ANK1: variants seen among roughly 807,000 people sequenced by gnomAD.
ANK1 encodes the protein ankyrin-1.
A neutral mutation model predicts 210.4 loss-of-function variants in ANK1; 51 were observed. The observed-to-expected ratio is 0.24, with a 90% confidence interval of 0.19 to 0.31. The LOEUF (loss-of-function observed/expected upper bound fraction) is 0.31, where lower values mean the gene tolerates loss of function less well. ANK1 is among the 10% of genes least tolerant of loss of function. The probability of loss-of-function intolerance (pLI) is 1.00; values close to 1 mark genes in which losing one functional copy is unlikely to be tolerated. For synonymous variants in ANK1, 967 were observed against 1,025.9 expected, an observed-to-expected ratio of 0.94 and a Z score of 1.10; for missense variants, 2,051 against 2,504.4, an observed-to-expected ratio of 0.82 and a Z score of 3.86.
At chr8:41,689,008 G>A (rs1351645615) in intron 33 of ANK1, among the ~76,000 whole-genome samples, 2 of 152,118 alleles carry the variant, frequency 1.3e-5, no homozygotes, top group African/African-American at 4.8e-5. Context: ...TTTTCTTTTT[G>A]GATTTCTTTC....
At chr8:41,791,405 G>T (rs1250852819) in intron 1 of ANK1, among the ~76,000 whole-genome samples, 2 of 150,450 alleles carry the variant, frequency 1.3e-5, no homozygotes, top group African/African-American at 4.9e-5. Flanking sequence ...CTAACCTCAG[G>T]TGATCCATTG....
chr8:41,848,187 A>AAAATAAAC (rs1554650903), intron 1 of ANK1, among the ~76,000 whole-genome samples: 5 of 142,872 alleles, frequency 3.5e-5, no homozygotes, highest in Non-Finnish European at 7.6e-5. Flanking sequence ...CTCAATTTCA[A>AAAATAAAC]AAATAAATAA....
intron 1 of ANK1, among the ~76,000 whole-genome samples, chr8:41,807,318 C>A (rs1851109911): frequency 1.3e-5 from 2 of 152,198 alleles, no homozygotes; most frequent in African/African-American, 4.8e-5. Flanking sequence ...ATGGAGACTT[C>A]AATCCAAGTC....
chr8:41,741,084 C>T (rs558969907), intron 2 of ANK1, among the ~76,000 whole-genome samples: 4 of 152,334 alleles, frequency 2.6e-5, no homozygotes, highest in Non-Finnish European at 4.4e-5. Flanking sequence ...CCAACCCACT[C>T]CACCCAGAAC....
At chr8:41,807,818 A>G (rs1851187709) in intron 1 of ANK1, among the ~76,000 whole-genome samples, 1 of 151,946 alleles carries the variant, frequency 6.6e-6, no homozygotes, top group Non-Finnish European at 1.5e-5. Flanking sequence ...CCTCTCTCCA[A>G]GCATCTACAA....
chr8:41,822,670 T>G (rs1358646758), intron 1 of ANK1, among the ~76,000 whole-genome samples: 1 of 152,216 alleles, frequency 6.6e-6, no homozygotes, highest in African/African-American at 2.4e-5. Flanking sequence ...CCCAGGAGAC[T>G]GCAGGACTTG....
At chr8:41,846,296 C>A (rs535251289) in intron 1 of ANK1, among the ~76,000 whole-genome samples, 1 of 152,270 alleles carries the variant, frequency 6.6e-6, no homozygotes, top group Non-Finnish European at 1.5e-5. Context: ...GCCCACACTG[C>A]CCATTATGCT....
Position 41,672,267 on chromosome 8 carries a change from G to A in ANK1, c.5096+87C>T, listed in dbSNP as rs945577631. 2.4e-5 allele frequency: 35 copies of A among 1,464,006 alleles called. No homozygotes were observed. In the Admixed American group the frequency reaches 3.8e-4, roughly 16 times the overall value. The allele number at this position is 1,464,006 out of a possible 1,614,324, so 90.7% of individuals were successfully genotyped here. On this transcript the variant is annotated intron_variant, in intron 38 of 42. Coordinates refer to ENST00000289734, the MANE Select transcript of ANK1 (RefSeq NM_000037.4). Reference sequence around the variant, plus strand: ...AGAACCCAGGGTCAGGGTTGGCATCGACACCTCTGTCCTCACTGCCAGGCA... The same window carrying A: ...AGAACCCAGGGTCAGGGTTGGCATCAACACCTCTGTCCTCACTGCCAGGCA...
chr8:41,769,491 A>G (rs182099685), intron 1 of ANK1, among the ~76,000 whole-genome samples: 3 of 152,354 alleles, frequency 2.0e-5, no homozygotes, highest in African/African-American at 4.8e-5. Context: ...CTGTTCCAAC[A>G]TTAATATTTA....
At chr8:41,833,582 G>T (rs544454692) in intron 1 of ANK1, among the ~76,000 whole-genome samples, 2 of 152,198 alleles carry the variant, frequency 1.3e-5, no homozygotes, top group Non-Finnish European at 2.9e-5. Flanking sequence ...AAAGAAAGCC[G>T]AAGATGGGAA....
intron 1 of ANK1, among the ~76,000 whole-genome samples, chr8:41,877,237 G>T (rs542572291): frequency 2.0e-5 from 3 of 152,378 alleles, no homozygotes; most frequent in South Asian, 2.1e-4. Context: ...GGTGGGACCC[G>T]CTGGAGAAGC....
chr8:41,832,702 G>C (rs1315433172), intron 1 of ANK1, among the ~76,000 whole-genome samples: 2 of 152,154 alleles, frequency 1.3e-5, no homozygotes, highest in African/African-American at 2.4e-5. Context: ...GTTCCCAGAG[G>C]GTTCCCAGAG....
intron 1 of ANK1, among the ~76,000 whole-genome samples, chr8:41,843,470 G>C (rs779827752): frequency 2.0e-5 from 3 of 147,604 alleles, no homozygotes; most frequent in East Asian, 2.2e-4. Context: ...GTGTTTAAAG[G>C]GGGGGCCCTG....
At position 41,734,076 on chromosome 8, in the gene ANK1, A is replaced by G; in HGVS notation, c.130-7T>C. ...GCAAGCCATTCAACCCATTCTGTAA[A>G]GAGCAGAGAGGCGGGAAGGGCATGG... On this transcript the variant is annotated splice_polypyrimidine_tract_variant and splice_region_variant and intron_variant, in intron 2 of 42. Coordinates refer to ENST00000289734, the MANE Select transcript of ANK1 (RefSeq NM_000037.4). 3 of 1,612,842 alleles carry G rather than the reference A, an allele frequency of 1.9e-6. No homozygotes were observed. Among genetic ancestry groups the G allele is most frequent in the Non-Finnish European group, 2.5e-6 (3 of 1,178,850 alleles).
rs758370734 is a variant in ANK1, at chr8:41,672,883, A to T, written c.4567T>A (p.Ser1523Thr). The stretch of plus-strand genomic sequence containing the variant: ...AGTGCACAGCCCAGGGAGGCAGGGG[A>T]CAGCAGCTCGTCCTGCAGTGAGGAG... Reference protein sequence around the residue: ...GYSSLQDELLSPASLGCALSS... With the variant: ...GYSSLQDELLTPASLGCALSS... The change falls in exon 38 of 43, where the codon TCC (serine) becomes ACC (threonine). Residue 1523 changes from serine (S) to threonine (T), a missense_variant. Transcript: ENST00000289734. 35 of 1,604,970 alleles carry T rather than the reference A, an allele frequency of 2.2e-5. No individual in the cohort carries two copies. In the South Asian group the frequency reaches 3.5e-4, roughly 16 times the overall value.
chr8:41,739,827 C>T (rs1458081878), intron 2 of ANK1, among the ~76,000 whole-genome samples: 10 of 152,080 alleles, frequency 6.6e-5, no homozygotes, highest in Non-Finnish European at 1.2e-4. Context: ...TGTTCTTGAC[C>T]TCCCTCAACT....
At chr8:41,742,204 A>G (rs980315631) in intron 2 of ANK1, among the ~76,000 whole-genome samples, 1 of 152,240 alleles carries the variant, frequency 6.6e-6, no homozygotes, top group African/African-American at 2.4e-5. Context: ...TGTTCTCGTT[A>G]AATTATTCCT....
intron 16 of ANK1, among the ~76,000 whole-genome samples, chr8:41,709,219 C>T (rs891669756): frequency 1.3e-5 from 2 of 152,208 alleles, no homozygotes; most frequent in African/African-American, 4.8e-5. Context: ...TTCTGTTATG[C>T]TTTGACAAAC....
Position 41,694,237 on chromosome 8 carries a change from A to T in ANK1, c.3328-135T>A, listed in dbSNP as rs546447273. On this transcript the variant is annotated intron_variant, in intron 28 of 42. Transcript: ENST00000289734. This position sits in a 1 kb window ranked among gnomAD's most constrained non-coding sequence, Gnocchi z 5.7. ...CCTGCTGTTGGACCACAGAACCGAC[A>T]CGGTGGAGCTTGCCTTCCTGAGCCC... The T allele has an allele frequency of 7.3e-6, 7 of 957,110 alleles. No homozygotes were observed. In the South Asian group the frequency reaches 1.0e-4, roughly 14 times the overall value. The allele number at this position is 957,110 out of a possible 1,614,324, so 59.3% of individuals were successfully genotyped here. A position where few individuals can be genotyped will look rare whatever the true frequency, so the allele number is the denominator to read the frequency against.
Sources: gnomAD v4.1 joint callset for allele counts (sites outside exome capture counted in the v4.1 genomes callset) on GRCh38, gnomAD v4.1.1 for gene constraint, Gnocchi (gnomAD v3.1) non-coding constraint, MANE v1.5 for transcripts, NCBI Gene and HGNC (gene_info 2026-07-23, HGNC 2026-07-21) for gene names.